Variants in ETFDH observed in about 807,000 individuals in gnomAD.
The protein encoded by ETFDH is electron transfer flavoprotein-ubiquinone oxidoreductase, mitochondrial.
ETFDH carries 61 observed loss-of-function variants against 73.2 expected under a neutral mutation model. The ratio of observed to expected loss-of-function variants is 0.83; its 90% CI spans 0.68 to 1.03. ETFDH has a LOEUF of 1.03. ETFDH is among the 50% of genes least tolerant of loss of function. The pLI is 0.00. For missense variants in ETFDH, 685 were observed against 745.0 expected, an observed-to-expected ratio of 0.92 and a Z score of 0.94; for synonymous variants, 243 against 253.3, an observed-to-expected ratio of 0.96 and a Z score of 0.39.
chr4:158,697,347 A>G (rs951352908), intron 7 of ETFDH, among the ~76,000 whole-genome samples: 4 of 152,138 alleles, frequency 2.6e-5, no homozygotes, highest in Non-Finnish European at 5.9e-5. Context: ...TGCCCACCTC[A>G]GCCTCCCAAA....
intron 1 of ETFDH, among the ~76,000 whole-genome samples, chr4:158,673,483 T>C (rs75452018): frequency 1.8e-4 from 28 of 152,226 alleles, no homozygotes; most frequent in African/African-American, 6.8e-4. Flanking sequence ...ACTGGCTTAA[T>C]TTTTTTAAAT....
intron 8 of ETFDH, 94 bp downstream of exon 8, chr4:158,697,793 A>G: frequency 8.6e-7 from 1 of 1,167,852 alleles, no homozygotes; most frequent in South Asian, 1.3e-5. Context: ...AGACTGTAAA[A>G]TGCTTTTTAT....
chr4:158,696,503 C>G (rs575167873), intron 7 of ETFDH, among the ~76,000 whole-genome samples: 3 of 150,632 alleles, frequency 2.0e-5, no homozygotes, highest in Non-Finnish European at 4.4e-5. Flanking sequence ...GAGATCCTAT[C>G]TCTAAAAAAA....
chr4:158,690,887 T>C (rs1323397977), intron 6 of ETFDH, among the ~76,000 whole-genome samples: 1 of 151,644 alleles, frequency 6.6e-6, no homozygotes, highest in East Asian at 1.9e-4. Flanking sequence ...TCAAAATAAA[T>C]AAATAAATAA....
At chr4:158,704,805 C>G (rs143776956) in intron 10 of ETFDH, among the ~76,000 whole-genome samples, 1 of 152,084 alleles carries the variant, frequency 6.6e-6, no homozygotes, top group Non-Finnish European at 1.5e-5. Flanking sequence ...GCCTTCAAAT[C>G]TTTGTAGGAA....
At chr4:158,698,340 C>T (rs1202161397) in intron 8 of ETFDH, among the ~76,000 whole-genome samples, 1 of 152,068 alleles carries the variant, frequency 6.6e-6, no homozygotes, top group Non-Finnish European at 1.5e-5. Context: ...TTTTTTGACC[C>T]CCCAGTCCAA....
At chr4:158,672,949 G>T (rs1773615028) in intron 1 of ETFDH, among the ~76,000 whole-genome samples, 1 of 152,174 alleles carries the variant, frequency 6.6e-6, no homozygotes. Context: ...TCACATCATG[G>T]TTAACATTCA....
intron 1 of ETFDH, among the ~76,000 whole-genome samples, chr4:158,676,770 C>T (rs1427586230): frequency 6.6e-6 from 1 of 152,110 alleles, no homozygotes; most frequent in Non-Finnish European, 1.5e-5. Flanking sequence ...GTAATAGTAC[C>T]TCATGTGGCT....
intron 9 of ETFDH, among the ~76,000 whole-genome samples, chr4:158,700,348 C>T (rs1561248339): frequency 1.3e-5 from 2 of 152,116 alleles, no homozygotes; most frequent in East Asian, 3.9e-4. Flanking sequence ...TATTGAATTA[C>T]ATAACTGTAT....
intron 6 of ETFDH, among the ~76,000 whole-genome samples, chr4:158,691,983 G>C (rs1490971375): frequency 6.6e-6 from 1 of 152,198 alleles, no homozygotes; most frequent in Non-Finnish European, 1.5e-5. Flanking sequence ...TACCTATTAG[G>C]TATCAGTAAA....
chr4:158,681,661 AT>A (rs1773862866), intron 2 of ETFDH: 1 of 157,598 alleles, frequency 6.3e-6, no homozygotes, highest in African/African-American at 2.4e-5. Flanking sequence ...TTTATACTGT[AT>A]TTTTGCTGTA....
In ETFDH at chr4:158,690,689, A is replaced by AAAAG. The variant is rs144456156; in HGVS notation, c.684+266_684+267insAGAA. On this transcript the variant is annotated intron_variant, in intron 6 of 12. Transcript: ENST00000511912. ...CAGAGCAAAACCCTGTCTTAAAAAA[A>AAAAG]AAGAAGAAGAAAGAACCAACTTTGA... Among the ~76,000 whole-genome samples, 1,057 of 151,638 alleles carry AAAAG rather than the reference A, an allele frequency of 7.0e-3. 11 individuals carry two copies. The highest frequency in any genetic ancestry group is 0.023 in the African/African-American group (937 of 41,314).
At chr4:158,698,518 C>T (rs577953932) in intron 8 of ETFDH, among the ~76,000 whole-genome samples, 2 of 151,874 alleles carry the variant, frequency 1.3e-5, no homozygotes, top group South Asian at 4.2e-4. Flanking sequence ...TTTATTTTTG[C>T]CCCAGTTGTA....
rs1458691975 is a variant in ETFDH at position 158,708,245 on chromosome 4, T to C, written c.1691-119T>C. On this transcript the variant is annotated intron_variant, in intron 12 of 12. Transcript: ENST00000511912. ...CCAAGGTCTTCATAATCTCTATGGG[T>C]AAGCATTCAGAAAGCAACCTTTAAG... The C allele has an allele frequency of 8.7e-6, 6 of 687,628 alleles. No homozygotes were observed. The African/African-American group carries it at 9.0e-5, about 10-fold the overall frequency. The allele number at this position is 687,628 out of a possible 1,614,324, so 42.6% of individuals were successfully genotyped here. A position where few individuals can be genotyped will look rare whatever the true frequency, so the allele number is the denominator to read the frequency against.
chr4:158,705,882 AC>A (rs1561251041), intron 10 of ETFDH, among the ~76,000 whole-genome samples: 1 of 152,194 alleles, frequency 6.6e-6, no homozygotes, highest in Non-Finnish European at 1.5e-5. Context: ...GCAGTTCAAG[AC>A]CAGCCTGGGC....
In ETFDH at chr4:158,684,125, C is replaced by T. The variant is rs535625517; in HGVS notation, c.406-467C>T. ...GATTTTTAAAAGATTCCCAGCTGGC[C>T]GGGCGTGTAATCCCAACACTTTGGG... On this transcript the variant is annotated intron_variant, in intron 3 of 12. Coordinates refer to ENST00000511912, the MANE Select transcript of ETFDH (RefSeq NM_004453.4). Among the ~76,000 whole-genome samples the T allele has an allele frequency of 1.9e-4, 29 of 152,220 alleles. No homozygotes were observed. In the South Asian group the frequency reaches 2.9e-3, roughly 15 times the overall value.
At chr4:158,698,366 CT>C (rs1774366274) in intron 8 of ETFDH, among the ~76,000 whole-genome samples, 1 of 152,180 alleles carries the variant, frequency 6.6e-6, no homozygotes, top group Non-Finnish European at 1.5e-5. Context: ...ATCCCATCAC[CT>C]TTGGATATTT....
intron 8 of ETFDH, among the ~76,000 whole-genome samples, chr4:158,698,634 T>C (rs928626316): frequency 6.6e-6 from 1 of 152,192 alleles, no homozygotes; most frequent in Non-Finnish European, 1.5e-5. Flanking sequence ...TACCTACAGA[T>C]ATTGTTCTAA....
Position 158,680,495 on chromosome 4 carries a change from T to A in ETFDH, c.63T>A (p.Ile21=). The A allele has an allele frequency of 6.2e-7, 1 of 1,605,916 alleles. No homozygotes were observed. The highest frequency in any genetic ancestry group is 8.5e-7 in the Non-Finnish European group (1 of 1,172,670). Residue 21 remains isoleucine, a synonymous_variant, in exon 2 of 13, where the codon ATT becomes ATA. Coordinates refer to ENST00000511912, the MANE Select transcript of ETFDH (RefSeq NM_004453.4). The part of the protein sequence containing the change: ...LAYQCFHALK[I]KKNYLPLCAT... Reference sequence around the variant, plus strand: ...ATCAGTGCTTTCATGCCTTAAAAATTAAGAAAAATTATCTACCTCTATGTG... The same window carrying A: ...ATCAGTGCTTTCATGCCTTAAAAATAAAGAAAAATTATCTACCTCTATGTG...
Sources: allele counts gnomAD v4.1 joint callset (sites outside exome capture counted in the v4.1 genomes callset), GRCh38; gene constraint gnomAD v4.1.1; transcripts MANE v1.5; gene names NCBI Gene and HGNC (gene_info 2026-07-23, HGNC 2026-07-21).